SPOCK2: variants seen among roughly 807,000 people sequenced by gnomAD.
SPOCK2 encodes the protein testican-2.
In SPOCK2, 39 loss-of-function variants were observed where a neutral mutation model predicts 60.1. The observed-to-expected ratio is 0.65, with a 90% CI of 0.50 to 0.85. The LOEUF (loss-of-function observed/expected upper bound fraction) is 0.85. Ranked by LOEUF, SPOCK2 falls within the 40% of genes least tolerant of loss-of-function variation. The pLI is 0.00. For synonymous variants in SPOCK2, 217 were observed against 231.5 expected (o/e 0.94, Z 0.57); for missense variants, 523 against 567.4 (o/e 0.92, Z 0.80).
chr10:72,069,868 T>C (rs1371424575), intron 5 of SPOCK2, among the ~76,000 whole-genome samples: 1 of 152,224 alleles, frequency 6.6e-6, no homozygotes, highest in Non-Finnish European at 1.5e-5. Flanking sequence ...CACCTTCTTA[T>C]GGAGGATTAT....
At chr10:72,067,248 T>G in intron 7 of SPOCK2, 128 bp from the exon 8 acceptor site, 3 of 969,188 alleles carry the variant, frequency 3.1e-6, no homozygotes, top group Non-Finnish European at 4.5e-6. Context: ...AATCTAACCA[T>G]GGGATTGAGA....
At chr10:72,070,279 AC>A in intron 5 of SPOCK2, 32 bp downstream of exon 5, 1 of 1,606,256 alleles carries the variant, frequency 6.2e-7, no homozygotes. Flanking sequence ...AGGTGACTCC[AC>A]CCCCACCCTA....
chr10:72,075,569 C>G (rs1430724909), intron 1 of SPOCK2, among the ~76,000 whole-genome samples: 1 of 152,192 alleles, frequency 6.6e-6, no homozygotes, highest in Non-Finnish European at 1.5e-5. Context: ...AGGTCAAGAC[C>G]AAGAATTTAT....
chr10:72,061,108 G>T lies in SPOCK2; in HGVS notation c.*1652C>A, dbSNP rs950798439. 17 of 152,788 alleles carry T rather than the reference G, an allele frequency of 1.1e-4. No individual in the cohort carries two copies. The allele number at this position is 152,788 out of a possible 1,614,324, so 9.5% of individuals were successfully genotyped here. A position where few individuals can be genotyped will look rare whatever the true frequency, so the allele number is the denominator to read the frequency against. ...GAAGGGCATCACAGCCCCAAGTCTG[G>T]GTAAGAAATTCTCCACCAAAGGTGT... On this transcript the variant is annotated 3_prime_UTR_variant, in exon 11 of 11. Coordinates refer to ENST00000373109, the MANE Select transcript of SPOCK2 (RefSeq NM_001244950.2).
At chr10:72,068,086 C>T in intron 6 of SPOCK2, 101 bp downstream of exon 6, 2 of 1,351,752 alleles carry the variant, frequency 1.5e-6, no homozygotes, top group Non-Finnish European at 2.0e-6. Flanking sequence ...TTTGCCACTT[C>T]CCTCTTGCTC....
chr10:72,078,540 A>G (rs778317881), intron 1 of SPOCK2, among the ~76,000 whole-genome samples: 2 of 151,830 alleles, frequency 1.3e-5, no homozygotes, highest in Admixed American at 6.5e-5. Flanking sequence ...TAATAAAAAT[A>G]AAATAAATTT....
Position 72,088,540 on chromosome 10 carries a change from GGA to G in SPOCK2, c.-214_-213del. Reference sequence around the variant, plus strand: ...AAAGCCCAGCACTGGACGCGGAGAGGGAGAGAGAATCAGAGAGGCTGCGCCAG... The same window carrying G: ...AAAGCCCAGCACTGGACGCGGAGAGGGAGAGAATCAGAGAGGCTGCGCCAG... On this transcript the variant is annotated 5_prime_UTR_variant, in exon 1 of 11. Coordinates refer to ENST00000373109, the MANE Select transcript of SPOCK2 (RefSeq NM_001244950.2). 1 of 548,900 alleles carries G rather than the reference GGA, an allele frequency of 1.8e-6. No individual in the cohort carries two copies. 34.0% of individuals were successfully genotyped at this position (548,900 alleles called of 1,614,324 possible). A position where few individuals can be genotyped will look rare whatever the true frequency, so the allele number is the denominator to read the frequency against.
chr10:72,080,792 A>G (rs539578978), intron 1 of SPOCK2, among the ~76,000 whole-genome samples: 5 of 152,132 alleles, frequency 3.3e-5, no homozygotes, highest in African/African-American at 1.2e-4. Flanking sequence ...TGTGCATATC[A>G]TCACTCCCTG....
intron 1 of SPOCK2, among the ~76,000 whole-genome samples, chr10:72,081,450 A>G (rs1840782984): frequency 6.6e-6 from 1 of 152,226 alleles, no homozygotes; most frequent in South Asian, 2.1e-4. Context: ...TGGGGAAGAC[A>G]GCAGGAGGGG....
chr10:72,082,853 CAA>C (rs770751183), intron 1 of SPOCK2, among the ~76,000 whole-genome samples: 7 of 46,042 alleles, frequency 1.5e-4, no homozygotes, highest in African/African-American at 3.0e-4. Context: ...GACCCTGTCT[CAA>C]AAAAAAAAAA....
chr10:72,086,833 C>G, intron 1 of SPOCK2: 1 of 1,542,126 alleles, frequency 6.5e-7, no homozygotes, highest in Non-Finnish European at 8.8e-7. Context: ...ACAAAAAGAT[C>G]CAAATCTCTG....
Position 72,087,065 on chromosome 10 carries a change from TCGC to T in SPOCK2, c.189+1072_189+1074del. 1 of 1,502,012 alleles carries T rather than the reference TCGC, an allele frequency of 6.7e-7. No individual in the cohort carries two copies. Among genetic ancestry groups the T allele is most frequent in the Middle Eastern group, 2.0e-4 (1 of 4,988 alleles). 93.0% of individuals were successfully genotyped at this position (1,502,012 alleles called of 1,614,324 possible). A position where few individuals can be genotyped will look rare whatever the true frequency, so the allele number is the denominator to read the frequency against. On this transcript the variant is annotated intron_variant, in intron 1 of 10. Transcript: ENST00000373109. This position sits in a 1 kb window ranked among gnomAD's most constrained non-coding sequence, Gnocchi z 4.7. ...GGTCAGGGCCGCGGTGAGCACCAGG[TCGC>T]CAGGAGCAGCCGGCGTCGCCTCTGG...
At position 72,088,353 on chromosome 10, in the gene SPOCK2, G is replaced by A; in HGVS notation, c.-25C>T. 6.5e-7 allele frequency: 1 copy of A among 1,531,910 alleles called. No homozygotes were observed. Among genetic ancestry groups the A allele is most frequent in the Non-Finnish European group, 8.7e-7 (1 of 1,144,052 alleles). The allele number at this position is 1,531,910 out of a possible 1,614,324, so 94.9% of individuals were successfully genotyped here. A position where few individuals can be genotyped will look rare whatever the true frequency, so the allele number is the denominator to read the frequency against. On this transcript the variant is annotated 5_prime_UTR_variant, in exon 1 of 11. Coordinates refer to ENST00000373109, the MANE Select transcript of SPOCK2 (RefSeq NM_001244950.2). ...TCGTGGTCTGGGTTCGACCTGGGGG[G>A]GTCTTGACTTCTGCAGTATTTTAAT...
At chr10:72,070,861 T>C (rs76562042) in intron 4 of SPOCK2, among the ~76,000 whole-genome samples, 1,742 of 152,088 alleles carry the variant, frequency 0.011, 41 homozygotes, top group African/African-American at 0.04. Context: ...AGAGTTCACA[T>C]AAATACCTGG....
intron 9 of SPOCK2, 132 bp downstream of exon 9, chr10:72,064,046 T>C (rs998756002): frequency 2.1e-5 from 25 of 1,169,782 alleles, no homozygotes; most frequent in East Asian, 8.3e-5. Flanking sequence ...AACCCTCTTC[T>C]GTCTTCCTAG....
chr10:72,086,373 G>GAA (rs1840854874), intron 1 of SPOCK2: 1 of 1,000,706 alleles, frequency 1.0e-6, no homozygotes. Flanking sequence ...TTGGAAGCAG[G>GAA]TGGAAGAAGG....
intron 1 of SPOCK2, 75 bp downstream of exon 1, chr10:72,088,065 G>T: frequency 6.4e-7 from 1 of 1,553,384 alleles, no homozygotes; most frequent in African/African-American, 1.4e-5. Context: ...TGCGGCGGCC[G>T]CTCCCGCAGA....
intron 6 of SPOCK2, 44 bp from the exon 7 acceptor site, chr10:72,067,776 G>A (rs1190058357): frequency 1.9e-6 from 3 of 1,596,918 alleles, no homozygotes; most frequent in African/African-American, 2.7e-5. Context: ...GTGCAGTGGA[G>A]CAGCAGGCTC....
Position 72,072,410 on chromosome 10 carries a change from T to C in SPOCK2, c.244+93A>G. 2 of 1,578,728 alleles carry C rather than the reference T, an allele frequency of 1.3e-6. 1 individual carries two copies. Among genetic ancestry groups the C allele is most frequent in the South Asian group, 2.3e-5 (2 of 87,012 alleles). ...CCCATCCCCACCGGGGCCTGGCTGC[T>C]CAAGGAGCCCCCAAGCGGGCTAAGG... is the stretch of plus-strand genomic sequence containing the variant. On this transcript the variant is annotated intron_variant, in intron 3 of 10. Coordinates refer to ENST00000373109, the MANE Select transcript of SPOCK2 (RefSeq NM_001244950.2).
Sources: gnomAD v4.1 joint callset for allele counts (sites outside exome capture counted in the v4.1 genomes callset) on GRCh38, gnomAD v4.1.1 for gene constraint, Gnocchi (gnomAD v3.1) non-coding constraint, MANE v1.5 for transcripts, NCBI Gene and HGNC (gene_info 2026-07-23, HGNC 2026-07-21) for gene names.